The following PDXDC1 variants were observed in gnomAD, a reference collection of about 807,000 sequenced individuals.
The protein encoded by PDXDC1 is pyridoxal-dependent decarboxylase domain-containing protein 1.
A neutral mutation model predicts 100.1 loss-of-function variants in PDXDC1; 42 were observed. The observed-to-expected ratio is 0.42, with a 90% CI of 0.33 to 0.54. The LOEUF (loss-of-function observed/expected upper bound fraction) is 0.54, where lower values mean the gene tolerates loss of function less well. Ranked by LOEUF, PDXDC1 falls within the 20% of genes least tolerant of loss-of-function variation. The pLI, the probability that PDXDC1 is intolerant of heterozygous loss-of-function variation, is 0.10. For missense variants in PDXDC1, 636 were observed against 979.2 expected (o/e 0.65, Z 4.68); for synonymous variants, 260 against 371.7 (o/e 0.70, Z 3.46).
rs565040884 is a variant in PDXDC1 at position 14,976,060 on chromosome 16, A to G, written c.21+840A>G. Among the ~76,000 whole-genome samples, 22 of 152,410 alleles carry G rather than the reference A, an allele frequency of 1.4e-4. No homozygotes were observed. In the South Asian group the frequency reaches 4.4e-3, roughly 30 times the overall value. ...AACGGCAGCGTGGTGTACCAGGCTG[A>G]CTGCTCTACCATGTGAAACGGATTC... On this transcript the variant is annotated intron_variant, in intron 1 of 22. Coordinates refer to ENST00000396410, the MANE Select transcript of PDXDC1 (RefSeq NM_015027.4).
downstream of PDXDC1, chr16:15,038,680 C>T (rs1297836380): frequency 2.9e-5 from 45 of 1,546,044 alleles, no homozygotes; most frequent in Non-Finnish European, 3.8e-5. Flanking sequence ...ATCATAAATG[C>T]TAATCATCTA....
downstream of PDXDC1, among the ~76,000 whole-genome samples, chr16:15,141,927 G>C (rs2048481893): frequency 6.6e-6 from 1 of 152,206 alleles, no homozygotes; most frequent in African/African-American, 2.4e-5. Flanking sequence ...GGCGGCAGCA[G>C]AACCAATGCT....
chr16:14,975,041 T>C lies in PDXDC1; in HGVS notation c.-159T>C, dbSNP rs991420885. On this transcript the variant is annotated 5_prime_UTR_variant, in exon 1 of 23. Transcript: ENST00000396410. ...GCCCCGCCGCCTCTCAACCATCAGG[T>C]TCGGCAGCCCGCGGCGCCGCCTGGC... The C allele has an allele frequency of 7.9e-6, 12 of 1,523,130 alleles. No individual in the cohort carries two copies. Among genetic ancestry groups the C allele is most frequent in the Non-Finnish European group, 1.1e-5 (12 of 1,141,922 alleles). 94.4% of individuals were successfully genotyped at this position (1,523,130 alleles called of 1,614,324 possible). A position where few individuals can be genotyped will look rare whatever the true frequency, so the allele number is the denominator to read the frequency against.
At position 15,083,576 on chromosome 16, in the gene PDXDC1, C is replaced by T. The variant is rs556979990; in HGVS notation, c.1399+53520C>T. The T allele has an allele frequency of 5.3e-5, 85 of 1,606,178 alleles. 2 individuals are homozygous for T. The South Asian group carries it at 7.3e-4, about 14-fold the overall frequency. ...CCACCAGTATTGGCATGAGAAACCA[C>T]GGTGTCCTATTTTTAAAAAATTAAA... On this transcript the variant is annotated intron_variant, in intron 16 of 16. Coordinates refer to the PDXDC1 transcript ENST00000535621.
intron 16 of PDXDC1, chr16:15,131,445 G>C: frequency 1.2e-6 from 2 of 1,608,300 alleles, no homozygotes; most frequent in Non-Finnish European, 1.7e-6. Context: ...AAGCCTAGGG[G>C]ATGGAGAAGT....
At chr16:15,142,701 G>A (rs1014131796), downstream of PDXDC1, among the ~76,000 whole-genome samples, 5 of 152,092 alleles carry the variant, frequency 3.3e-5, no homozygotes, top group African/African-American at 4.8e-5. Flanking sequence ...GCCGTTCTGG[G>A]GGAACGCCAA....
At chr16:15,148,352 C>T in the PDXDC1 span, among the ~76,000 whole-genome samples, 2 of 135,722 alleles carry the variant, frequency 1.5e-5, no homozygotes, top group African/African-American at 5.6e-5. Context: ...TTGGAGAAAT[C>T]TCTGTTCAGA....
chr16:15,033,964 G>A lies in PDXDC1; in HGVS notation c.1813-322G>A, dbSNP rs1201497964. On this transcript the variant is annotated intron_variant, in intron 19 of 22. Transcript: ENST00000396410. The stretch of plus-strand genomic sequence containing the variant: ...GACTGCTCTGAAAGGAGAGAGACAC[G>A]AGCCATTGGACATGCGGCCGAGAAG... 1.2e-4 allele frequency: 57 copies of A among 462,426 alleles called. No individual in the cohort carries two copies. In the Admixed American group the frequency reaches 1.2e-3, roughly 10 times the overall value. The allele number at this position is 462,426 out of a possible 1,614,324, so 28.6% of individuals were successfully genotyped here.
rs1435295992 is a variant in PDXDC1 at position 15,068,129 on chromosome 16, AT to A, written c.1399+38077del. The A allele has an allele frequency of 4.7e-6, 7 of 1,482,542 alleles. No individual in the cohort carries two copies. The South Asian group carries it at 7.5e-5, about 16-fold the overall frequency. The allele number at this position is 1,482,542 out of a possible 1,614,324, so 91.8% of individuals were successfully genotyped here. A position where few individuals can be genotyped will look rare whatever the true frequency, so the allele number is the denominator to read the frequency against. On this transcript the variant is annotated intron_variant, in intron 16 of 16. Coordinates refer to the PDXDC1 transcript ENST00000535621. ...ATACTAGATAAACATAAATAAAAATATTTTAAATAACTCCCATCAAGAAAGC... is the reference window on the plus strand; with the variant it reads ...ATACTAGATAAACATAAATAAAAATATTTAAATAACTCCCATCAAGAAAGC...
rs553748874 is a variant in PDXDC1, at chr16:15,130,816, C to T, written c.1400-8063C>T. 4.4e-4 allele frequency: 373 copies of T among 852,242 alleles called. 2 individuals are homozygous for T. The highest frequency in any genetic ancestry group is 6.2e-4 in the Non-Finnish European group (326 of 523,834). The allele number at this position is 852,242 out of a possible 1,614,324, so 52.8% of individuals were successfully genotyped here. The stretch of plus-strand genomic sequence containing the variant: ...CCTGGGGCAGAACGCGCAGGTCACA[C>T]GCCTGCTGGGAAGCTCAACCACCCG... On this transcript the variant is annotated intron_variant, in intron 16 of 16. Transcript: ENST00000535621.
intron 16 of PDXDC1, among the ~76,000 whole-genome samples, chr16:15,098,643 CCAAGGTGGGTGGATCA>C (rs2046438647): frequency 1.3e-5 from 2 of 152,026 alleles, no homozygotes; most frequent in East Asian, 3.9e-4. Context: ...CTTTTGGAGG[CCAAGGTGGGTGGATCA>C]CCTGAGGTCG....
At chr16:15,131,169 G>A in intron 16 of PDXDC1, 1 of 1,590,104 alleles carries the variant, frequency 6.3e-7, no homozygotes. Context: ...CACCGACGGA[G>A]GCCTGGGGCT....
intron 16 of PDXDC1, among the ~76,000 whole-genome samples, chr16:15,101,424 G>C (rs143294282): frequency 6.3e-4 from 96 of 152,236 alleles, no homozygotes; most frequent in African/African-American, 1.7e-3. Flanking sequence ...GCAAATGATT[G>C]TCGTGCCTCA....
At chr16:15,038,532 G>C (rs373493942), downstream of PDXDC1, 64 of 1,087,750 alleles carry the variant, frequency 5.9e-5, no homozygotes, top group Non-Finnish European at 8.5e-5. Context: ...GGGGAAACCA[G>C]GGTGCAGAGA....
chr16:15,132,968 C>T, intron 16 of PDXDC1: 1 of 1,557,690 alleles, frequency 6.4e-7, no homozygotes, highest in South Asian at 1.1e-5. Context: ...CAGTTACGTG[C>T]TAGATGCTGT....
At chr16:15,045,729 A>G (rs925847827) in intron 16 of PDXDC1, 2 of 152,172 alleles carry the variant, frequency 1.3e-5, no homozygotes, top group African/African-American at 4.8e-5. Context: ...AAATCCAACT[A>G]ACTTTCTTGA....
At chr16:15,051,698 ATTTT>A (rs61437077) in intron 16 of PDXDC1, among the ~76,000 whole-genome samples, 1 of 122,396 alleles carries the variant, frequency 8.2e-6, no homozygotes, top group Non-Finnish European at 1.7e-5. Context: ...TTTATTTTTA[ATTTT>A]TTTTTTTTTT....
intron 1 of PDXDC1, among the ~76,000 whole-genome samples, chr16:14,986,134 G>A (rs1438434206): frequency 1.3e-5 from 2 of 152,246 alleles, no homozygotes; most frequent in Non-Finnish European, 2.9e-5. Context: ...TGCTCACGAA[G>A]GTATGAATAG....
chr16:15,036,492 A>C lies in PDXDC1; in HGVS notation c.*217A>C, dbSNP rs2043462083. 1.8e-6 allele frequency: 1 copy of C among 558,086 alleles called. No homozygotes were observed. The highest frequency in any genetic ancestry group is 1.9e-5 in the African/African-American group (1 of 53,336). 34.6% of individuals were successfully genotyped at this position (558,086 alleles called of 1,614,324 possible). On this transcript the variant is annotated 3_prime_UTR_variant, in exon 23 of 23. Coordinates refer to ENST00000396410, the MANE Select transcript of PDXDC1 (RefSeq NM_015027.4). ...GTAGAACCACGTTTGCTGTCCTACTACGACTTTTCCCTAAGTTACCATAAA... is the reference window on the plus strand; with the variant it reads ...GTAGAACCACGTTTGCTGTCCTACTCCGACTTTTCCCTAAGTTACCATAAA...
Sources: gnomAD v4.1 joint callset for allele counts (sites outside exome capture counted in the v4.1 genomes callset) on GRCh38, gnomAD v4.1.1 for gene constraint, MANE v1.5 for transcripts, NCBI Gene and HGNC (gene_info 2026-07-23, HGNC 2026-07-21) for gene names.